The following UTS2 variants were observed in gnomAD, a reference collection of about 807,000 sequenced individuals.
UTS2 encodes urotensin 2.
UTS2 carries 10 observed loss-of-function variants against 12.6 expected under a neutral mutation model. The observed-to-expected ratio is 0.80, with a 90% CI of 0.49 to 1.35. UTS2 has a LOEUF of 1.35. Among genes scored for constraint, UTS2 ranks in the 40% most tolerant of loss-of-function variants. The pLI is 0.00. For synonymous variants in UTS2, 52 were observed against 50.0 expected (o/e 1.04, Z -0.17); for missense variants, 142 against 143.2 (o/e 0.99, Z 0.04).
chr1:7,849,957 T>C (rs1578024714), intron 2 of UTS2, among the ~76,000 whole-genome samples: 1 of 144,436 alleles, frequency 6.9e-6, no homozygotes, highest in East Asian at 2.0e-4. Context: ...AATACCTATC[T>C]TAAAAGGCTC....
the UTS2 span, among the ~76,000 whole-genome samples, chr1:7,885,710 T>C: frequency 1.7e-4 from 25 of 148,706 alleles, no homozygotes; most frequent in Non-Finnish European, 3.6e-4. Context: ...GGCCAAGGAG[T>C]GGGCGTGGCA....
At chr1:7,862,993 G>GTATTGTATTGTATTGTAT in the UTS2 span, among the ~76,000 whole-genome samples, 2 of 19,202 alleles carry the variant, frequency 1.0e-4, no homozygotes, top group African/African-American at 3.5e-4. Flanking sequence ...GTGTTGTGTT[G>GTATTGTATTGTATTGTAT]TATTGTATTG....
chr1:7,910,622 C>A, the UTS2 span, among the ~76,000 whole-genome samples: 1 of 152,164 alleles, frequency 6.6e-6, no homozygotes, highest in East Asian at 1.9e-4. Context: ...ATTTGTATGC[C>A]TTTTCTCCTA....
At chr1:7,907,187 TG>T in the UTS2 span, among the ~76,000 whole-genome samples, 1 of 152,088 alleles carries the variant, frequency 6.6e-6, no homozygotes, top group East Asian at 1.9e-4. Context: ...ACCTGGGAGG[TG>T]GAGACTGCAA....
At chr1:7,858,584 A>AT in the UTS2 span, among the ~76,000 whole-genome samples, 57 of 149,950 alleles carry the variant, frequency 3.8e-4, no homozygotes, top group African/African-American at 9.0e-4. Context: ...TCTATTAATT[A>AT]TTTTTTTTTT....
chr1:7,876,799 G>C, the UTS2 span, among the ~76,000 whole-genome samples: 1 of 151,258 alleles, frequency 6.6e-6, no homozygotes, highest in Non-Finnish European at 1.5e-5. Context: ...CACAATATTA[G>C]AAGAAGCAAC....
chr1:7,869,731 G>C, the UTS2 span, among the ~76,000 whole-genome samples: 6 of 152,234 alleles, frequency 3.9e-5, no homozygotes, highest in Non-Finnish European at 8.8e-5. Flanking sequence ...GGCCAGCGGA[G>C]AGGAAGTCTG....
chr1:7,908,892 C>T, the UTS2 span, among the ~76,000 whole-genome samples: 2 of 151,660 alleles, frequency 1.3e-5, no homozygotes, highest in African/African-American at 2.4e-5. Flanking sequence ...CTGCAACCTC[C>T]ACCTCCCAGG....
chr1:7,908,558 A>G, the UTS2 span, among the ~76,000 whole-genome samples: 1 of 151,236 alleles, frequency 6.6e-6, no homozygotes, highest in South Asian at 2.1e-4. Flanking sequence ...CACCAGCTAC[A>G]CAAGCTTGAG....
chr1:7,854,511 C>CAAA (rs34363679), upstream of UTS2, among the ~76,000 whole-genome samples: 4 of 99,470 alleles, frequency 4.0e-5, no homozygotes, highest in African/African-American at 1.1e-4. Flanking sequence ...GACCATGTCT[C>CAAA]AAAAAAAAAA....
chr1:7,889,405 G>GAACTC, the UTS2 span, among the ~76,000 whole-genome samples: 3 of 126,764 alleles, frequency 2.4e-5, no homozygotes, highest in Non-Finnish European at 4.7e-5. Context: ...TTGCACCACT[G>GAACTC]AACTCTAGTG....
At chr1:7,876,099 A>C in the UTS2 span, among the ~76,000 whole-genome samples, 2 of 152,148 alleles carry the variant, frequency 1.3e-5, no homozygotes, top group African/African-American at 4.8e-5. Flanking sequence ...CATTGTCCAG[A>C]GGTCAGGGGA....
At chr1:7,903,103 C>CCTTTTTTTAATTATTAATTAATTAATTAA in the UTS2 span, among the ~76,000 whole-genome samples, 1 of 66,396 alleles carries the variant, frequency 1.5e-5, no homozygotes, top group African/African-American at 6.0e-5. Context: ...TCCCCTCCTT[C>CCTTTTTTTAATTATTAATTAATTAATTAA]TCCTGCTTCC....
the UTS2 span, among the ~76,000 whole-genome samples, chr1:7,890,728 CAAAA>C: frequency 9.3e-6 from 1 of 107,338 alleles, no homozygotes; most frequent in Middle Eastern, 5.3e-3. Flanking sequence ...CCCATCTCCA[CAAAA>C]AAAAAAAAAA....
chr1:7,879,205 A>G, the UTS2 span, among the ~76,000 whole-genome samples: 1 of 152,234 alleles, frequency 6.6e-6, no homozygotes. Flanking sequence ...GCTGCAGAAT[A>G]CACACTCATT....
At chr1:7,876,256 C>A in the UTS2 span, among the ~76,000 whole-genome samples, 1 of 152,132 alleles carries the variant, frequency 6.6e-6, no homozygotes, top group Non-Finnish European at 1.5e-5. Flanking sequence ...TGTGCTTACA[C>A]CACGGGGGAT....
the UTS2 span, among the ~76,000 whole-genome samples, chr1:7,902,867 G>A: frequency 6.6e-6 from 1 of 152,160 alleles, no homozygotes; most frequent in Non-Finnish European, 1.5e-5. Context: ...ATTAGAGAAT[G>A]CGGGGTTCCT....
chr1:7,858,652 C>G, the UTS2 span, among the ~76,000 whole-genome samples: 1 of 152,138 alleles, frequency 6.6e-6, no homozygotes, highest in Admixed American at 6.5e-5. Flanking sequence ...TCTCAGCTTA[C>G]TGCAACCACC....
At chr1:7,892,096 T>A in the UTS2 span, among the ~76,000 whole-genome samples, 4 of 152,346 alleles carry the variant, frequency 2.6e-5, no homozygotes, top group Middle Eastern at 0.01. Flanking sequence ...GCAGTAGCTG[T>A]AGCTCCGTTG....
Sources: gnomAD v4.1 joint callset for allele counts (sites outside exome capture counted in the v4.1 genomes callset) on GRCh38, gnomAD v4.1.1 for gene constraint, MANE v1.5 for transcripts, NCBI Gene and HGNC (gene_info 2026-07-23, HGNC 2026-07-21) for gene names.